Variants in PREX1 observed in about 807,000 individuals in gnomAD.
The protein encoded by PREX1 is phosphatidylinositol 3,4,5-trisphosphate-dependent Rac exchanger 1 protein.
A neutral mutation model predicts 198.3 loss-of-function variants in PREX1; 41 were observed. The observed-to-expected ratio is 0.21, with a 90% CI of 0.16 to 0.27. PREX1 has a LOEUF of 0.27. Ranked by LOEUF, PREX1 falls within the 10% of genes least tolerant of loss-of-function variation. The pLI, the probability that PREX1 is intolerant of heterozygous loss-of-function variation, is 1.00. For missense variants in PREX1, 1,620 were observed against 2,200.7 expected, an observed-to-expected ratio of 0.74 and a Z score of 5.28; for synonymous variants, 843 against 887.2, an observed-to-expected ratio of 0.95 and a Z score of 0.89.
intron 26 of PREX1, among the ~76,000 whole-genome samples, chr20:48,645,071 G>A (rs934128926): frequency 1.3e-5 from 2 of 152,226 alleles, no homozygotes; most frequent in Non-Finnish European, 2.9e-5. Flanking sequence ...GGCTCTGGGG[G>A]CACAAAGTGC....
At chr20:48,819,083 C>T (rs1347322498) in intron 1 of PREX1, among the ~76,000 whole-genome samples, 2 of 152,224 alleles carry the variant, frequency 1.3e-5, no homozygotes, top group African/African-American at 4.8e-5. Flanking sequence ...CCATTCCTCT[C>T]TGAGACCTTA....
the PREX1 span, among the ~76,000 whole-genome samples, chr20:48,834,479 A>G: frequency 6.6e-4 from 100 of 152,258 alleles, 2 homozygotes; most frequent in South Asian, 0.014. Flanking sequence ...TGTAGCCGGC[A>G]GAAACACAAA....
At chr20:48,708,638 G>A (rs1362567294) in intron 5 of PREX1, among the ~76,000 whole-genome samples, 1 of 152,182 alleles carries the variant, frequency 6.6e-6, no homozygotes, top group Non-Finnish European at 1.5e-5. Context: ...ATGAGGGAGA[G>A]GGAAGCATTG....
chr20:48,804,707 A>C (rs1284865115), intron 1 of PREX1, among the ~76,000 whole-genome samples: 4 of 152,242 alleles, frequency 2.6e-5, no homozygotes, highest in African/African-American at 9.6e-5. Flanking sequence ...TCCCAGCAGG[A>C]GACCATGGTG....
chr20:48,833,355 C>A, the PREX1 span, among the ~76,000 whole-genome samples: 1 of 152,072 alleles, frequency 6.6e-6, no homozygotes, highest in African/African-American at 2.4e-5. Context: ...AACCATGGAA[C>A]CACCCTGCCT....
the PREX1 span, among the ~76,000 whole-genome samples, chr20:48,856,882 C>T: frequency 1.3e-5 from 2 of 152,178 alleles, no homozygotes; most frequent in African/African-American, 2.4e-5. Flanking sequence ...CTTTATCACC[C>T]AGGTTGGAAT....
chr20:48,773,810 G>C (rs1157647838), intron 1 of PREX1, among the ~76,000 whole-genome samples: 1 of 152,188 alleles, frequency 6.6e-6, no homozygotes, highest in Non-Finnish European at 1.5e-5. Flanking sequence ...CTGAGCAGGG[G>C]AAGGACAGGA....
At chr20:48,768,697 C>A (rs2090220196) in intron 1 of PREX1, among the ~76,000 whole-genome samples, 1 of 152,042 alleles carries the variant, frequency 6.6e-6, no homozygotes, top group African/African-American at 2.4e-5. Context: ...ATCATTTGAA[C>A]CCAGGAGACA....
intron 1 of PREX1, among the ~76,000 whole-genome samples, chr20:48,826,253 G>A (rs1471229890): frequency 6.6e-6 from 1 of 152,042 alleles, no homozygotes; most frequent in Non-Finnish European, 1.5e-5. Context: ...AGCAGAGAAG[G>A]GGAGTAAATG....
chr20:48,861,452 A>C, the PREX1 span, among the ~76,000 whole-genome samples: 2 of 152,200 alleles, frequency 1.3e-5, no homozygotes, highest in African/African-American at 4.8e-5. Flanking sequence ...TTCCGAGGTC[A>C]CCATAGTCTG....
intron 5 of PREX1, among the ~76,000 whole-genome samples, chr20:48,725,823 A>ACTG (rs1399488809): frequency 6.6e-6 from 1 of 152,242 alleles, no homozygotes; most frequent in African/African-American, 2.4e-5. Context: ...AGCTAATCAG[A>ACTG]GCACAGCAAT....
At chr20:48,680,287 C>T (rs1443633691) in intron 11 of PREX1, among the ~76,000 whole-genome samples, 3 of 152,186 alleles carry the variant, frequency 2.0e-5, no homozygotes, top group Admixed American at 1.3e-4. Context: ...ACCACCTTCG[C>T]CTCCCACCTG....
chr20:48,713,871 A>AG (rs2089948761), intron 5 of PREX1, among the ~76,000 whole-genome samples: 1 of 146,196 alleles, frequency 6.8e-6, no homozygotes, highest in Non-Finnish European at 1.5e-5. Context: ...AAAAAAAAAA[A>AG]AAAAAGAAAA....
chr20:48,694,303 G>C (rs368586386), intron 7 of PREX1, among the ~76,000 whole-genome samples: 62 of 152,326 alleles, frequency 4.1e-4, no homozygotes, highest in African/African-American at 1.5e-3. Context: ...CATCTGGCCA[G>C]AGCTTCCTAT....
chr20:48,850,863 T>C, the PREX1 span, among the ~76,000 whole-genome samples: 1 of 152,104 alleles, frequency 6.6e-6, no homozygotes, highest in African/African-American at 2.4e-5. Context: ...TCTTCTAAAT[T>C]AGGGGTTGAC....
intron 1 of PREX1, among the ~76,000 whole-genome samples, chr20:48,755,543 A>G (rs1324184958): frequency 6.6e-6 from 1 of 152,196 alleles, no homozygotes; most frequent in Non-Finnish European, 1.5e-5. Context: ...CTCTTCTGCT[A>G]TTCCCTTTTC....
At chr20:48,805,475 G>A (rs565112914) in intron 1 of PREX1, among the ~76,000 whole-genome samples, 5 of 152,308 alleles carry the variant, frequency 3.3e-5, no homozygotes, top group African/African-American at 1.2e-4. Flanking sequence ...TACCTTCTGC[G>A]GCTGCCAAAG....
chr20:48,628,761 C>G (rs750399486), intron 37 of PREX1, among the ~76,000 whole-genome samples: 2 of 152,174 alleles, frequency 1.3e-5, no homozygotes, highest in Non-Finnish European at 2.9e-5. Flanking sequence ...CGTCAATGAC[C>G]TAGGAGGCAG....
At chr20:48,679,889 A>G in intron 11 of PREX1, 135 bp from the exon 12 acceptor site, 4 of 678,252 alleles carry the variant, frequency 5.9e-6, no homozygotes, top group Non-Finnish European at 1.0e-5. Flanking sequence ...ATCAGGCTTC[A>G]CTGCTGGCCA....
Sources: allele counts gnomAD v4.1 joint callset (sites outside exome capture counted in the v4.1 genomes callset), GRCh38; gene constraint gnomAD v4.1.1; transcripts MANE v1.5; gene names NCBI Gene and HGNC (gene_info 2026-07-23, HGNC 2026-07-21).